The following CCDC93 variants were observed in gnomAD, a reference collection of about 807,000 sequenced individuals.
CCDC93 encodes the protein coiled-coil domain-containing protein 93.
CCDC93 carries 61 observed loss-of-function variants against 108.2 expected under a neutral mutation model. The ratio of observed to expected loss-of-function variants is 0.56; its 90% CI spans 0.46 to 0.70. The LOEUF (loss-of-function observed/expected upper bound fraction) is 0.70, where lower values mean the gene tolerates loss of function less well. CCDC93 is among the 30% of genes least tolerant of loss of function. The pLI is 0.00. For synonymous variants in CCDC93, 276 were observed against 260.4 expected (o/e 1.06, Z -0.58); for missense variants, 685 against 764.2 (o/e 0.90, Z 1.22).
intron 11 of CCDC93, among the ~76,000 whole-genome samples, chr2:117,972,488 G>A (rs1306123677): frequency 6.6e-6 from 1 of 152,160 alleles, no homozygotes; most frequent in African/African-American, 2.4e-5. Context: ...GGAAAAGTGT[G>A]GAAAGAGAGA....
At position 117,917,268 on chromosome 2, in the gene CCDC93, T is replaced by A. The variant is rs773986100; in HGVS notation, c.*3075A>T. 2 of 152,698 alleles carry A rather than the reference T, an allele frequency of 1.3e-5. No individual in the cohort carries two copies. Among genetic ancestry groups the A allele is most frequent in the African/African-American group, 2.4e-5 (1 of 41,434 alleles). 9.5% of individuals were successfully genotyped at this position (152,698 alleles called of 1,614,324 possible). On this transcript the variant is annotated 3_prime_UTR_variant, in exon 24 of 24. Transcript: ENST00000376300. ...AGGTCTGCTTCGGTCACTAGAGACGTACTGGGGCCTGACAACATCAACAAC... is the reference window on the plus strand; with the variant it reads ...AGGTCTGCTTCGGTCACTAGAGACGAACTGGGGCCTGACAACATCAACAAC...
chr2:117,945,331 C>T (rs1241725714), intron 17 of CCDC93, among the ~76,000 whole-genome samples, 198 bp downstream of exon 17: 4 of 152,330 alleles, frequency 2.6e-5, no homozygotes, highest in African/African-American at 9.6e-5. Flanking sequence ...GAAAGGTGAC[C>T]TTCAGGGCCA....
At chr2:117,981,548 T>G (rs1033538831) in intron 7 of CCDC93, among the ~76,000 whole-genome samples, 3 of 152,188 alleles carry the variant, frequency 2.0e-5, no homozygotes, top group African/African-American at 7.2e-5. Flanking sequence ...CATCATCCAG[T>G]TCACTTCTTC....
At chr2:117,974,285 C>T (rs1679860625) in intron 10 of CCDC93, among the ~76,000 whole-genome samples, 2 of 152,130 alleles carry the variant, frequency 1.3e-5, no homozygotes, top group South Asian at 4.1e-4. Flanking sequence ...AAGGTCTCAC[C>T]TCCTGAGAGT....
chr2:117,938,982 C>T (rs1382811841), intron 20 of CCDC93, 47 bp downstream of exon 20: 3 of 1,005,122 alleles, frequency 3.0e-6, no homozygotes, highest in Non-Finnish European at 3.1e-6. Context: ...CTGGAGTCAA[C>T]TGCACTGTTA....
Position 117,921,351 on chromosome 2 carries a change from C to T in CCDC93, c.1843-955G>A, listed in dbSNP as rs151064194. ...CATCATTTCATGTTCCCTCTGGGATCATCTTCAAAAGCTTCTAACTGCGCC... is the reference window on the plus strand; with the variant it reads ...CATCATTTCATGTTCCCTCTGGGATTATCTTCAAAAGCTTCTAACTGCGCC... On this transcript the variant is annotated intron_variant, in intron 23 of 23. Transcript: ENST00000376300. 3.1e-3 allele frequency among the ~76,000 whole-genome samples: 475 copies of T among 152,188 alleles called. 5 individuals carry two copies. Among genetic ancestry groups the T allele is most frequent in the African/African-American group, 0.011 (454 of 41,528 alleles).
In CCDC93 at chr2:117,924,292, G is replaced by A. The variant is rs1485566449; in HGVS notation, c.1843-3896C>T. 2.6e-5 allele frequency among the ~76,000 whole-genome samples: 4 copies of A among 152,256 alleles called. No homozygotes were observed. The South Asian group carries it at 6.2e-4, about 24-fold the overall frequency. On this transcript the variant is annotated intron_variant, in intron 23 of 23. Transcript: ENST00000376300. ...AAGCTGGACAGAGAATGACTTTGAT[G>A]AGTTGAGAGAAGAACGCTTCAGACG...
At chr2:117,926,244 C>T (rs1207702194) in intron 23 of CCDC93, among the ~76,000 whole-genome samples, 2 of 152,082 alleles carry the variant, frequency 1.3e-5, no homozygotes, top group African/African-American at 4.8e-5. Context: ...CAAAAGCTAG[C>T]AGAAGGCAAG....
intron 12 of CCDC93, among the ~76,000 whole-genome samples, chr2:117,956,675 T>G (rs1573487054): frequency 6.6e-6 from 1 of 152,156 alleles, no homozygotes; most frequent in Non-Finnish European, 1.5e-5. Context: ...AACAAATAAC[T>G]GAACAGAAAC....
At chr2:117,940,344 C>T (rs1454718059) in intron 19 of CCDC93, among the ~76,000 whole-genome samples, 1 of 152,084 alleles carries the variant, frequency 6.6e-6, no homozygotes, top group Admixed American at 6.6e-5. Flanking sequence ...AAGAATTTAG[C>T]CTGACAGAAG....
At chr2:117,989,366 G>A (rs1050999564) in intron 6 of CCDC93, among the ~76,000 whole-genome samples, 6 of 152,054 alleles carry the variant, frequency 3.9e-5, no homozygotes, top group South Asian at 2.1e-4. Flanking sequence ...GCCCTTGCAT[G>A]CAAGCTTCTG....
At chr2:117,974,422 C>G (rs190833867) in intron 10 of CCDC93, among the ~76,000 whole-genome samples, 10 of 152,250 alleles carry the variant, frequency 6.6e-5, no homozygotes, top group African/African-American at 2.2e-4. Flanking sequence ...TCCCAGGCCT[C>G]AAAAAGAATG....
chr2:117,959,209 A>G (rs1032070408), intron 11 of CCDC93, among the ~76,000 whole-genome samples: 22 of 152,240 alleles, frequency 1.4e-4, no homozygotes, highest in African/African-American at 4.8e-4. Flanking sequence ...AGAAGTAAGC[A>G]GCTTAGTGTA....
intron 1 of CCDC93, among the ~76,000 whole-genome samples, chr2:118,012,249 C>T (rs1274150004): frequency 6.7e-6 from 1 of 148,718 alleles, no homozygotes; most frequent in Non-Finnish European, 1.5e-5. Flanking sequence ...ACTCCAGCCT[C>T]GGTGACAGAG....
chr2:118,002,182 T>G lies in CCDC93; in HGVS notation c.252-1250A>C, dbSNP rs147065752. ...CAAAGGTCACTTAGAACTTACTAGG[T>G]GCTTCAAATTCAACAAGTTTTGGGT... On this transcript the variant is annotated intron_variant, in intron 3 of 23. Coordinates refer to ENST00000376300, the MANE Select transcript of CCDC93 (RefSeq NM_019044.5). Among the ~76,000 whole-genome samples, 72 of 152,320 alleles carry G rather than the reference T, an allele frequency of 4.7e-4. No homozygotes were observed. In the East Asian group the frequency reaches 0.014, roughly 29 times the overall value.
intron 11 of CCDC93, among the ~76,000 whole-genome samples, chr2:117,971,572 C>T (rs976542774): frequency 6.6e-6 from 1 of 152,280 alleles, no homozygotes; most frequent in Non-Finnish European, 1.5e-5. Flanking sequence ...TTAATCTTCC[C>T]AACACCTGTC....
rs780225191 is a variant in CCDC93 at position 118,006,719 on chromosome 2, T to C, written c.251+3A>G. 57 of 1,585,108 alleles carry C rather than the reference T, an allele frequency of 3.6e-5. No homozygotes were observed. The highest frequency in any genetic ancestry group is 8.3e-5 in the Admixed American group (5 of 59,930). ...CCTTTAGGTTTTCCATAGAAAAACT[T>C]ACATTTTTTGACCTATCGTAGAGTT... is the stretch of plus-strand genomic sequence containing the variant. On this transcript the variant is annotated splice_donor_region_variant and intron_variant, in intron 3 of 23. Transcript: ENST00000376300.
At chr2:117,924,534 G>A (rs1416745847) in intron 23 of CCDC93, among the ~76,000 whole-genome samples, 1 of 152,136 alleles carries the variant, frequency 6.6e-6, no homozygotes, top group Non-Finnish European at 1.5e-5. Context: ...TATCAGTGAT[G>A]GAAGATCAAA....
At chr2:117,933,872 G>A (rs1188951625) in intron 22 of CCDC93, among the ~76,000 whole-genome samples, 2 of 152,124 alleles carry the variant, frequency 1.3e-5, no homozygotes, top group Non-Finnish European at 2.9e-5. Context: ...AATAGTCCTT[G>A]AGGGCCTAAC....
Sources: allele counts gnomAD v4.1 joint callset (sites outside exome capture counted in the v4.1 genomes callset), GRCh38; gene constraint gnomAD v4.1.1; transcripts MANE v1.5; gene names NCBI Gene and HGNC (gene_info 2026-07-23, HGNC 2026-07-21).